PLEKHG3: variants seen among roughly 807,000 people sequenced by gnomAD.
PLEKHG3 encodes the protein pleckstrin homology and RhoGEF domain containing G3, also known as pleckstrin homology domain-containing family G member 3.
A neutral mutation model predicts 94.9 loss-of-function variants in PLEKHG3; 62 were observed. The ratio of observed to expected loss-of-function variants is 0.65; its 90% confidence interval spans 0.53 to 0.81. PLEKHG3 has a LOEUF of 0.81. Among genes scored for constraint, PLEKHG3 ranks in the 30% least tolerant of loss-of-function variants. The pLI is 0.00. For missense variants in PLEKHG3, 1,461 were observed against 1,619.3 expected (o/e 0.90, Z 1.68); for synonymous variants, 614 against 654.0 (o/e 0.94, Z 0.93).
rs997147298 is a variant in PLEKHG3 at position 64,715,426 on chromosome 14, T to C, written c.-40+10722T>C. 1.3e-5 allele frequency among the ~76,000 whole-genome samples: 2 copies of C among 152,124 alleles called. No individual in the cohort carries two copies. The highest frequency in any genetic ancestry group is 2.4e-5 in the African/African-American group (1 of 41,430). ...TTGTGAGGAGATTATATAGAGAATGTGTTTTGCCTTATGTCTGGTATACTC... is the reference window on the plus strand; with the variant it reads ...TTGTGAGGAGATTATATAGAGAATGCGTTTTGCCTTATGTCTGGTATACTC... On this transcript the variant is annotated intron_variant, in intron 1 of 16. Coordinates refer to ENST00000247226, the MANE Select transcript of PLEKHG3 (RefSeq NM_001308147.2). The surrounding 1 kb of genome is among the most constrained non-coding windows in gnomAD (Gnocchi z 4.4).
intron 12 of PLEKHG3, among the ~76,000 whole-genome samples, chr14:64,734,293 T>C (rs1326323810): frequency 6.6e-6 from 1 of 152,198 alleles, no homozygotes; most frequent in Non-Finnish European, 1.5e-5. Context: ...CTCTTCTCTT[T>C]TCTTTTCTTC....
rs1433533130 is a variant in PLEKHG3, at chr14:64,722,356, A to G, written c.-39-5237A>G. On this transcript the variant is annotated intron_variant, in intron 1 of 16. Coordinates refer to ENST00000247226, the MANE Select transcript of PLEKHG3 (RefSeq NM_001308147.2). This position sits in a 1 kb window ranked among gnomAD's most constrained non-coding sequence, Gnocchi z 4.3. ...CGCGAGTAGCTGGGATTACAGGTGC[A>G]TGCCACCACACCCGGCTAATTTTTG... 6.6e-6 allele frequency among the ~76,000 whole-genome samples: 1 copy of G among 152,048 alleles called. No individual in the cohort carries two copies. Among genetic ancestry groups the G allele is most frequent in the Non-Finnish European group, 1.5e-5 (1 of 68,002 alleles).
chr14:64,750,224 T>A lies in PLEKHG3; in HGVS notation c.*6521T>A. On this transcript the variant is annotated 3_prime_UTR_variant, in exon 17 of 17. Coordinates refer to ENST00000247226, the MANE Select transcript of PLEKHG3 (RefSeq NM_001308147.2). The stretch of plus-strand genomic sequence containing the variant: ...ATCTCTAGAGTCAATTCCTATAGCT[T>A]CACCATTAAAAAAAATTACACCATG... The A allele has an allele frequency of 6.7e-7, 1 of 1,498,124 alleles. No individual in the cohort carries two copies. The highest frequency in any genetic ancestry group is 2.2e-5 in the Admixed American group (1 of 45,786). 92.8% of individuals were successfully genotyped at this position (1,498,124 alleles called of 1,614,324 possible).
rs1566726220 is a variant in PLEKHG3 at position 64,746,956 on chromosome 14, G to A, written c.*3253G>A. The A allele has an allele frequency of 1.3e-5, 2 of 152,728 alleles. No homozygotes were observed. The highest frequency in any genetic ancestry group is 2.4e-5 in the African/African-American group (1 of 41,562). The allele number at this position is 152,728 out of a possible 1,614,324, so 9.5% of individuals were successfully genotyped here. On this transcript the variant is annotated 3_prime_UTR_variant, in exon 17 of 17. Coordinates refer to ENST00000247226, the MANE Select transcript of PLEKHG3 (RefSeq NM_001308147.2). The surrounding 1 kb of genome is among the most constrained non-coding windows in gnomAD (Gnocchi z 4.9). ...TTAGCCCTGGTGTGGCACACACAGG[G>A]TCTCCCAAAGCTGGATGCCTGCATT...
chr14:64,749,464 G>GCC lies in PLEKHG3; in HGVS notation c.*5762_*5763insCC. 6.2e-7 allele frequency: 1 copy of GCC among 1,601,070 alleles called. No homozygotes were observed. Among genetic ancestry groups the GCC allele is most frequent in the Non-Finnish European group, 8.5e-7 (1 of 1,178,332 alleles). ...GTGCTCACGCCCTGCAGCCAGGACAGCATCTCCTCCTGCGGGGCGGAGGGT... is the reference window on the plus strand; with the variant it reads ...GTGCTCACGCCCTGCAGCCAGGACAGCCCATCTCCTCCTGCGGGGCGGAGGGT... On this transcript the variant is annotated 3_prime_UTR_variant, in exon 17 of 17. Transcript: ENST00000247226. The surrounding 1 kb of genome is among the most constrained non-coding windows in gnomAD (Gnocchi z 4.7).
At chr14:64,710,199 C>T (rs1307449728) in intron 1 of PLEKHG3, among the ~76,000 whole-genome samples, 1 of 152,212 alleles carries the variant, frequency 6.6e-6, no homozygotes, top group Admixed American at 6.5e-5. Flanking sequence ...ACCTCTCCTA[C>T]CCTAAACTCT....
chr14:64,728,003 G>A lies in PLEKHG3; in HGVS notation c.351+21G>A, dbSNP rs8008283. 7.9e-3 allele frequency: 11,227 copies of A among 1,427,880 alleles called. 628 individuals are homozygous for A. The African/African-American group carries it at 0.13, about 16-fold the overall frequency. 88.5% of individuals were successfully genotyped at this position (1,427,880 alleles called of 1,614,324 possible). On this transcript the variant is annotated intron_variant, in intron 2 of 16. Transcript: ENST00000247226. This position sits in a 1 kb window ranked among gnomAD's most constrained non-coding sequence, Gnocchi z 5.9. Reference sequence around the variant, plus strand: ...TGGAGGTGCGTGTCGGAGGCCTTGCGGCACAGTATTCTAGCAGAAGCCTGT... The same window carrying A: ...TGGAGGTGCGTGTCGGAGGCCTTGCAGCACAGTATTCTAGCAGAAGCCTGT...
At position 64,731,430 on chromosome 14, in the gene PLEKHG3, G is replaced by A. The variant is rs1302749919; in HGVS notation, c.919G>A (p.Gly307Ser). The change falls in exon 8 of 17, where the codon GGC becomes AGC. Residue 307 changes from glycine to serine, a missense_variant. Physicochemically the swap from Gly to Ser is moderately conservative, Grantham distance 56. Transcript: ENST00000247226. This position sits in a 1 kb window ranked among gnomAD's most constrained non-coding sequence, Gnocchi z 6.1. ...CACCTACGGGGAGCTTGTCCTGGAG[G>A]GCACATTCCGCGTGCATCGCGTGCG... ...LTTYGELVLE[G>S]TFRVHRVRNE... 6.2e-7 allele frequency: 1 copy of A among 1,613,888 alleles called. No individual in the cohort carries two copies. Among genetic ancestry groups the A allele is most frequent in the Non-Finnish European group, 8.5e-7 (1 of 1,179,796 alleles).
chr14:64,716,730 G>T lies in PLEKHG3; in HGVS notation c.-39-10863G>T, dbSNP rs2081169693. Among the ~76,000 whole-genome samples, 1 of 152,156 alleles carries T rather than the reference G, an allele frequency of 6.6e-6. No homozygotes were observed. Among genetic ancestry groups the T allele is most frequent in the African/African-American group, 2.4e-5 (1 of 41,430 alleles). ...CGACCCTGGCACCCACCACTTCATA[G>T]TTCAGAGCAGCAGGAGTGTGGAGGT... On this transcript the variant is annotated intron_variant, in intron 1 of 16. Coordinates refer to ENST00000247226, the MANE Select transcript of PLEKHG3 (RefSeq NM_001308147.2). This position sits in a 1 kb window ranked among gnomAD's most constrained non-coding sequence, Gnocchi z 5.0.
rs2081646651 is a variant in PLEKHG3, at chr14:64,739,695, G to C, written c.1518+840G>C. On this transcript the variant is annotated intron_variant, in intron 15 of 16. Transcript: ENST00000247226. This position sits in a 1 kb window ranked among gnomAD's most constrained non-coding sequence, Gnocchi z 4.1. ...AGGTCAAGATGCCAGCAGACCCTGG[G>C]GAGGGCTTGCCCTCTGCTTCGTAGA... 6.6e-6 allele frequency among the ~76,000 whole-genome samples: 1 copy of C among 152,232 alleles called. No homozygotes were observed. Among genetic ancestry groups the C allele is most frequent in the South Asian group, 2.1e-4 (1 of 4,834 alleles).
chr14:64,705,301 C>G (rs2080953901), intron 1 of PLEKHG3, among the ~76,000 whole-genome samples: 1 of 152,252 alleles, frequency 6.6e-6, no homozygotes, highest in South Asian at 2.1e-4. Flanking sequence ...ACCCCTACAC[C>G]CAGCCCTTTG....
chr14:64,730,179 G>A lies in PLEKHG3; in HGVS notation c.450-64G>A, dbSNP rs570132211. The A allele has an allele frequency of 2.3e-5, 20 of 855,948 alleles. 1 individual carries two copies. In the South Asian group the frequency reaches 2.9e-4, roughly 12 times the overall value. The allele number at this position is 855,948 out of a possible 1,614,324, so 53.0% of individuals were successfully genotyped here. A position where few individuals can be genotyped will look rare whatever the true frequency, so the allele number is the denominator to read the frequency against. ...AGTCAGGGTTTGGGAGGTTGGGGAG[G>A]GGGCAGTGAGGGGCATTGTCCTCTG... On this transcript the variant is annotated intron_variant, in intron 3 of 16. Coordinates refer to ENST00000247226, the MANE Select transcript of PLEKHG3 (RefSeq NM_001308147.2). This position sits in a 1 kb window ranked among gnomAD's most constrained non-coding sequence, Gnocchi z 5.4.
chr14:64,734,376 T>C (rs1417532363), intron 12 of PLEKHG3, among the ~76,000 whole-genome samples: 1 of 152,230 alleles, frequency 6.6e-6, no homozygotes, highest in Non-Finnish European at 1.5e-5. Context: ...CACTGATGTG[T>C]TCAGCAAGTG....
Position 64,741,522 on chromosome 14 carries a change from G to A in PLEKHG3, c.2005G>A (p.Val669Met). The A allele has an allele frequency of 1.2e-6, 2 of 1,612,964 alleles. No homozygotes were observed. Among genetic ancestry groups the A allele is most frequent in the Non-Finnish European group, 1.7e-6 (2 of 1,180,032 alleles). The part of the protein sequence containing the change: ...DSLSCQLSPE[V>M]DISVGVATED... ...CCTCAGCTGTCAGCTCTCCCCAGAA[G>A]TGGACATCAGTGTGGGGGTGGCCAC... The change falls in exon 16 of 17, where the codon GTG becomes ATG. Residue 669 changes from valine (V) to methionine (M), a missense_variant. Val to Met is a conservative substitution (Grantham distance 21, BLOSUM62 1). Around this residue, in one of 3 missense-constraint regions of PLEKHG3, gnomAD observed 1,201 missense variants for 1,295.5 expected, o/e 0.93. Transcript: ENST00000247226.
At chr14:64,714,285 T>C (rs902322789) in intron 1 of PLEKHG3, among the ~76,000 whole-genome samples, 1 of 152,178 alleles carries the variant, frequency 6.6e-6, no homozygotes, top group Non-Finnish European at 1.5e-5. Flanking sequence ...AGTGGATGGC[T>C]ATGGTGGGGT....
rs1156755421 is a variant in PLEKHG3, at chr14:64,749,949, A to G, written c.*6246A>G. On this transcript the variant is annotated 3_prime_UTR_variant, in exon 17 of 17. Transcript: ENST00000247226. The surrounding 1 kb of genome is among the most constrained non-coding windows in gnomAD (Gnocchi z 4.7). Reference sequence around the variant, plus strand: ...CCACTAATGCCAAATCAAGCCATCAACCCGAGCTTTCAAAGGCCAGGAAGG... The same window carrying G: ...CCACTAATGCCAAATCAAGCCATCAGCCCGAGCTTTCAAAGGCCAGGAAGG... The G allele has an allele frequency of 1.9e-6, 3 of 1,613,958 alleles. No homozygotes were observed. The highest frequency in any genetic ancestry group is 1.3e-5 in the African/African-American group (1 of 74,910).
chr14:64,720,016 C>A lies in PLEKHG3; in HGVS notation c.-39-7577C>A, dbSNP rs1320108385. On this transcript the variant is annotated intron_variant, in intron 1 of 16. Transcript: ENST00000247226. The surrounding 1 kb of genome is among the most constrained non-coding windows in gnomAD (Gnocchi z 4.1). ...GGTTTTGGGGCACATTGCATAGTGA[C>A]AAGTTGTGCTGGCAGCCAAGTTACC... is the stretch of plus-strand genomic sequence containing the variant. Among the ~76,000 whole-genome samples the A allele has an allele frequency of 6.6e-6, 1 of 152,130 alleles. No homozygotes were observed. The highest frequency in any genetic ancestry group is 1.5e-5 in the Non-Finnish European group (1 of 68,032).
chr14:64,728,947 G>C lies in PLEKHG3; in HGVS notation c.352-49G>C. 1.4e-6 allele frequency: 1 copy of C among 730,564 alleles called. No individual in the cohort carries two copies. Among genetic ancestry groups the C allele is most frequent in the African/African-American group, 1.7e-5 (1 of 57,620 alleles). 45.3% of individuals were successfully genotyped at this position (730,564 alleles called of 1,614,324 possible). ...ACGAGGTGTGGCTAGGGAAGGTAGT[G>C]GGCAGGGTTGTGCCGGGGGCTAGGT... On this transcript the variant is annotated intron_variant, in intron 2 of 16. Coordinates refer to ENST00000247226, the MANE Select transcript of PLEKHG3 (RefSeq NM_001308147.2). The surrounding 1 kb of genome is among the most constrained non-coding windows in gnomAD (Gnocchi z 5.9).
rs567359409 is a variant in PLEKHG3, at chr14:64,728,516, C to T, written c.352-480C>T. On this transcript the variant is annotated intron_variant, in intron 2 of 16. Transcript: ENST00000247226. This position sits in a 1 kb window ranked among gnomAD's most constrained non-coding sequence, Gnocchi z 5.9. ...TGGCTTAAAACAGCAAATGTGTTCT[C>T]ACTCAGTTCAGGAGGCCAGAAGTCC... Among the ~76,000 whole-genome samples, 1 of 152,346 alleles carries T rather than the reference C, an allele frequency of 6.6e-6. No homozygotes were observed. The highest frequency in any genetic ancestry group is 1.5e-5 in the Non-Finnish European group (1 of 68,038).
Sources: gnomAD v4.1 joint callset for allele counts (sites outside exome capture counted in the v4.1 genomes callset) on GRCh38, gnomAD v4.1.1 for gene constraint, gnomAD v4.1.1 regional missense constraint, Gnocchi (gnomAD v3.1) non-coding constraint, MANE v1.5 for transcripts, NCBI Gene and HGNC (gene_info 2026-07-23, HGNC 2026-07-21) for gene names.